The following LRP1B variants were observed in gnomAD, a reference collection of about 807,000 sequenced individuals.
The protein encoded by LRP1B is low-density lipoprotein receptor-related protein 1B.
In LRP1B, 217 loss-of-function variants were observed where a neutral mutation model predicts 556.6. That is an observed-to-expected ratio of 0.39 (90% CI 0.35 to 0.44). The LOEUF (loss-of-function observed/expected upper bound fraction) is 0.44. LRP1B is among the 20% of genes least tolerant of loss of function. The pLI is 1.00. For missense variants in LRP1B, 5,053 were observed against 5,620.8 expected (o/e 0.90, Z 3.23); for synonymous variants, 2,047 against 1,865.8 (o/e 1.10, Z -2.50).
chr2:141,242,856 A>G (rs900822599), intron 5 of LRP1B, among the ~76,000 whole-genome samples: 18 of 152,106 alleles, frequency 1.2e-4, no homozygotes, highest in Non-Finnish European at 2.4e-4. Flanking sequence ...ATTTATTAGG[A>G]GTAAAATTGC....
chr2:140,410,139 T>C (rs918533020), intron 66 of LRP1B, among the ~76,000 whole-genome samples: 3 of 152,082 alleles, frequency 2.0e-5, no homozygotes, highest in Non-Finnish European at 2.9e-5. Context: ...TCCTGAGCTA[T>C]ATATTTTTTC....
At chr2:140,889,353 T>A (rs113019378) in intron 23 of LRP1B, among the ~76,000 whole-genome samples, 1,755 of 152,328 alleles carry the variant, frequency 0.012, 27 homozygotes, top group South Asian at 0.034. Context: ...TGGAGTACAG[T>A]GGCATGATCT....
intron 3 of LRP1B, among the ~76,000 whole-genome samples, chr2:141,392,802 C>G (rs189090991): frequency 6.6e-6 from 1 of 152,120 alleles, no homozygotes; most frequent in Non-Finnish European, 1.5e-5. Flanking sequence ...TTCAATCTGT[C>G]GAGTCATGTA....
chr2:141,329,009 T>A (rs1687533388), intron 3 of LRP1B, among the ~76,000 whole-genome samples: 1 of 152,168 alleles, frequency 6.6e-6, no homozygotes, highest in African/African-American at 2.4e-5. Context: ...ATGTCAGCAA[T>A]CTCTGAAATT....
At chr2:141,308,516 A>G (rs1266289617) in intron 3 of LRP1B, among the ~76,000 whole-genome samples, 1 of 152,116 alleles carries the variant, frequency 6.6e-6, no homozygotes, top group Admixed American at 6.6e-5. Context: ...ATCTACTATA[A>G]TTTTTCATTT....
At chr2:141,524,525 A>G (rs567301253) in intron 2 of LRP1B, among the ~76,000 whole-genome samples, 27 of 152,146 alleles carry the variant, frequency 1.8e-4, no homozygotes, top group African/African-American at 5.8e-4. Flanking sequence ...AGCCCAACAC[A>G]TATTCATAAA....
chr2:141,019,978 A>G lies in LRP1B; in HGVS notation c.1914T>C (p.Thr638=). Residue 638 remains threonine, a synonymous_variant, in exon 12 of 91, where the codon ACT becomes ACC. Transcript: ENST00000389484. The stretch of plus-strand genomic sequence containing the variant: ...GATGAGACATTTCACCCTCTAAAAG[A>G]GTCTTCCGACTCTGAGAAGCTTTTT... ...RLEKASQSRK[T]LLEGEMSHPR... 1 of 1,611,844 alleles carries G rather than the reference A, an allele frequency of 6.2e-7. No individual in the cohort carries two copies. Among genetic ancestry groups the G allele is most frequent in the South Asian group, 1.1e-5 (1 of 90,932 alleles).
intron 35 of LRP1B, among the ~76,000 whole-genome samples, chr2:140,727,720 A>G (rs996409106): frequency 1.3e-5 from 2 of 152,222 alleles, no homozygotes; most frequent in African/African-American, 4.8e-5. Flanking sequence ...CCAGTTCAGA[A>G]TCCATCCAGT....
chr2:142,078,918 T>C (rs923617855), intron 1 of LRP1B, among the ~76,000 whole-genome samples: 1 of 152,200 alleles, frequency 6.6e-6, no homozygotes, highest in African/African-American at 2.4e-5. Flanking sequence ...AAATATTCTA[T>C]ATGGCTTATA....
chr2:142,115,579 TG>T lies in LRP1B; in HGVS notation c.82+15068del, dbSNP rs1559079784. Among the ~76,000 whole-genome samples, 52 of 45,082 alleles carry T rather than the reference TG, an allele frequency of 1.2e-3. 8 individuals are homozygous for T. Among genetic ancestry groups the T allele is most frequent in the African/African-American group, 3.9e-3 (51 of 13,164 alleles). The allele number at this position is 45,082 out of a possible 152,430, so 29.6% of individuals were successfully genotyped here. A position where few individuals can be genotyped will look rare whatever the true frequency, so the allele number is the denominator to read the frequency against. ...TTATATATGTAATATATATTATATA[TG>T]TAATATATATATTATATATGTAATA... On this transcript the variant is annotated intron_variant, in intron 1 of 90. Transcript: ENST00000389484.
chr2:140,640,394 T>TTC (rs1684246255), intron 41 of LRP1B, among the ~76,000 whole-genome samples: 3 of 71,116 alleles, frequency 4.2e-5, no homozygotes, highest in Non-Finnish European at 6.0e-5. Context: ...TTTTTTTTTT[T>TTC]TTTTTTTTTT....
chr2:140,680,436 C>T (rs944195422), intron 41 of LRP1B, among the ~76,000 whole-genome samples: 1 of 152,070 alleles, frequency 6.6e-6, no homozygotes, highest in Non-Finnish European at 1.5e-5. Context: ...AGTATGGGAA[C>T]AAAAAGAGCA....
At chr2:140,647,251 T>A (rs916744184) in intron 41 of LRP1B, among the ~76,000 whole-genome samples, 4 of 152,202 alleles carry the variant, frequency 2.6e-5, no homozygotes, top group Non-Finnish European at 5.9e-5. Flanking sequence ...ATATTTTTAA[T>A]TAAACACCCA....
At chr2:141,180,665 A>C (rs1680948885) in intron 7 of LRP1B, among the ~76,000 whole-genome samples, 1 of 151,882 alleles carries the variant, frequency 6.6e-6, no homozygotes, top group Non-Finnish European at 1.5e-5. Flanking sequence ...CTCCCACCCC[A>C]GCCTCTTATC....
intron 3 of LRP1B, among the ~76,000 whole-genome samples, chr2:141,256,932 C>T (rs1684486775): frequency 6.6e-6 from 1 of 151,672 alleles, no homozygotes; most frequent in Non-Finnish European, 1.5e-5. Flanking sequence ...TAAAAACACC[C>T]GTAGAACCTC....
At chr2:141,408,939 T>C (rs1690746018) in intron 3 of LRP1B, among the ~76,000 whole-genome samples, 1 of 152,210 alleles carries the variant, frequency 6.6e-6, no homozygotes. Context: ...TCCGCATATA[T>C]AGCAATATAA....
At chr2:141,402,103 C>T (rs1401293983) in intron 3 of LRP1B, among the ~76,000 whole-genome samples, 1 of 152,056 alleles carries the variant, frequency 6.6e-6, no homozygotes, top group Non-Finnish European at 1.5e-5. Flanking sequence ...TTCTTTGAAC[C>T]TGAGGGTATC....
intron 3 of LRP1B, among the ~76,000 whole-genome samples, chr2:141,372,060 T>C (rs1298487366): frequency 6.6e-6 from 1 of 152,134 alleles, no homozygotes; most frequent in Admixed American, 6.5e-5. Context: ...ATTTGAAGAT[T>C]TTTATTATGA....
rs745574564 is a variant in LRP1B, at chr2:140,335,704, G to A, written c.12027C>T (p.Asn4009=). ...AGTTGGGGCCATTCAGCTGCCCTAC[G>A]TTGATAGAGTACCTCAGACTGGTCC... The part of the protein sequence containing the change: ...THWTSLRYSI[N]VGQLNGPNCT... Residue 4009 remains asparagine (N), a synonymous_variant, in exon 78 of 91, where the codon AAC becomes AAT. Transcript: ENST00000389484. The A allele has an allele frequency of 2.0e-5, 32 of 1,612,114 alleles. No homozygotes were observed. The highest frequency in any genetic ancestry group is 8.8e-5 in the South Asian group (8 of 91,064).
Sources: allele counts gnomAD v4.1 joint callset (sites outside exome capture counted in the v4.1 genomes callset), GRCh38; gene constraint gnomAD v4.1.1; transcripts MANE v1.5; gene names NCBI Gene and HGNC (gene_info 2026-07-23, HGNC 2026-07-21).